Variants in SKAP1 observed in about 807,000 individuals in gnomAD.
SKAP1 encodes the protein src kinase associated phosphoprotein 1, also known as src kinase-associated phosphoprotein 1.
A neutral mutation model predicts 58.5 loss-of-function variants in SKAP1; 44 were observed. The ratio of observed to expected loss-of-function variants is 0.75; its 90% CI spans 0.59 to 0.97. The LOEUF (loss-of-function observed/expected upper bound fraction) is 0.97, where lower values mean the gene tolerates loss of function less well. Among genes scored for constraint, SKAP1 ranks in the 50% least tolerant of loss-of-function variants. The pLI is 0.00. For missense variants in SKAP1, 390 were observed against 435.2 expected, an observed-to-expected ratio of 0.90 and a Z score of 0.92; for synonymous variants, 127 against 149.7, an observed-to-expected ratio of 0.85 and a Z score of 1.11.
chr17:48,297,674 C>A (rs548236773), intron 4 of SKAP1, among the ~76,000 whole-genome samples: 1 of 152,100 alleles, frequency 6.6e-6, no homozygotes, highest in Non-Finnish European at 1.5e-5. Flanking sequence ...AAACTAAAGT[C>A]AAAACCAAGC....
At chr17:48,224,021 A>T (rs984019959) in intron 4 of SKAP1, among the ~76,000 whole-genome samples, 4 of 119,178 alleles carry the variant, frequency 3.4e-5, no homozygotes, top group African/African-American at 1.2e-4. Context: ...AGAGAGAGAG[A>T]GAGAGAGAGA....
At chr17:48,200,175 T>C (rs1421495453) in intron 4 of SKAP1, among the ~76,000 whole-genome samples, 1 of 151,758 alleles carries the variant, frequency 6.6e-6, no homozygotes, top group Non-Finnish European at 1.5e-5. Flanking sequence ...CGCACACCTG[T>C]AATCCCAGCT....
At chr17:48,338,850 T>C (rs1160526540) in intron 4 of SKAP1, among the ~76,000 whole-genome samples, 2 of 152,244 alleles carry the variant, frequency 1.3e-5, no homozygotes, top group Non-Finnish European at 2.9e-5. Context: ...CAGTTTGTCA[T>C]CTTCATCTGT....
chr17:48,356,350 T>C (rs893945299), intron 3 of SKAP1, among the ~76,000 whole-genome samples: 9 of 152,128 alleles, frequency 5.9e-5, no homozygotes, highest in African/African-American at 1.9e-4. Flanking sequence ...TACTGAAAAA[T>C]AGATTACTAC....
chr17:48,356,668 A>G (rs2066879822), intron 3 of SKAP1, among the ~76,000 whole-genome samples: 1 of 152,002 alleles, frequency 6.6e-6, no homozygotes, highest in African/African-American at 2.4e-5. Flanking sequence ...TATCTTGACA[A>G]CTGCTCCATA....
At chr17:48,195,036 C>T (rs966355374) in intron 4 of SKAP1, among the ~76,000 whole-genome samples, 4 of 152,182 alleles carry the variant, frequency 2.6e-5, no homozygotes, top group Non-Finnish European at 5.9e-5. Context: ...CAAACACACG[C>T]TTTAAAATGC....
chr17:48,333,871 CAT>C (rs2066535118), intron 4 of SKAP1, among the ~76,000 whole-genome samples: 1 of 151,906 alleles, frequency 6.6e-6, no homozygotes, highest in East Asian at 1.9e-4. Context: ...AGAAAGCAAA[CAT>C]GTAATAGATT....
intron 4 of SKAP1, among the ~76,000 whole-genome samples, chr17:48,265,862 A>G (rs2065542119): frequency 6.6e-6 from 1 of 152,234 alleles, no homozygotes; most frequent in Non-Finnish European, 1.5e-5. Flanking sequence ...CTCCCCTGTT[A>G]GAATCTTCAC....
intron 4 of SKAP1, among the ~76,000 whole-genome samples, chr17:48,225,484 T>C (rs1354864629): frequency 6.6e-6 from 1 of 152,222 alleles, no homozygotes; most frequent in East Asian, 1.9e-4. Flanking sequence ...TGATTTGCAC[T>C]CTTTGGGAGA....
intron 5 of SKAP1, among the ~76,000 whole-genome samples, chr17:48,189,175 G>A (rs2064501218): frequency 6.6e-6 from 1 of 152,132 alleles, no homozygotes; most frequent in African/African-American, 2.4e-5. Flanking sequence ...CAGGCATTGG[G>A]GATACAGAGG....
At chr17:48,165,711 C>T (rs924190275) in intron 10 of SKAP1, among the ~76,000 whole-genome samples, 4 of 152,178 alleles carry the variant, frequency 2.6e-5, no homozygotes, top group Admixed American at 2.6e-4. Context: ...ACTTTGATTT[C>T]TGTAGAGCAG....
intron 2 of SKAP1, among the ~76,000 whole-genome samples, chr17:48,385,814 G>A (rs750743605): frequency 1.5e-4 from 23 of 152,130 alleles, no homozygotes; most frequent in East Asian, 1.9e-4. Flanking sequence ...ATAACAGGAC[G>A]TAGATTCTAG....
intron 4 of SKAP1, among the ~76,000 whole-genome samples, chr17:48,219,789 C>T (rs1452665): frequency 0.27 from 41,409 of 152,068 alleles, 6,373 homozygotes; most frequent in African/African-American, 0.42. Context: ...TGGCTGCACA[C>T]GGTGTCTCCC....
chr17:48,345,590 T>A (rs2066712531), intron 4 of SKAP1, among the ~76,000 whole-genome samples: 2 of 152,196 alleles, frequency 1.3e-5, no homozygotes, highest in Admixed American at 6.6e-5. Context: ...AAGAATGGTA[T>A]AAACTAGGCC....
chr17:48,139,518 C>G (rs941575822), intron 11 of SKAP1, among the ~76,000 whole-genome samples: 9 of 152,256 alleles, frequency 5.9e-5, no homozygotes, highest in African/African-American at 1.9e-4. Flanking sequence ...ATCACATATT[C>G]CAGTTCAATT....
intron 3 of SKAP1, among the ~76,000 whole-genome samples, chr17:48,355,937 G>A (rs189253728): frequency 6.6e-6 from 1 of 152,190 alleles, no homozygotes; most frequent in Non-Finnish European, 1.5e-5. Context: ...ACCATCATCA[G>A]GGCCTTTCCC....
At chr17:48,371,211 T>C (rs766078148) in intron 2 of SKAP1, among the ~76,000 whole-genome samples, 1 of 152,098 alleles carries the variant, frequency 6.6e-6, no homozygotes, top group South Asian at 2.1e-4. Context: ...ATCATTTGTA[T>C]CCCAAGCTTC....
chr17:48,141,016 A>G (rs184309472), intron 11 of SKAP1, among the ~76,000 whole-genome samples: 1 of 151,860 alleles, frequency 6.6e-6, no homozygotes, highest in Non-Finnish European at 1.5e-5. Flanking sequence ...CGAACTCCTG[A>G]CCTCAGGTGA....
chr17:48,234,176 G>A (rs112040284), intron 4 of SKAP1, among the ~76,000 whole-genome samples: 138 of 152,188 alleles, frequency 9.1e-4, no homozygotes, highest in African/African-American at 3.3e-3. Context: ...AAAGGCACTG[G>A]GTGCCATGCT....
Sources: allele counts gnomAD v4.1 joint callset (sites outside exome capture counted in the v4.1 genomes callset), GRCh38; gene constraint gnomAD v4.1.1; transcripts MANE v1.5; gene names NCBI Gene and HGNC (gene_info 2026-07-23, HGNC 2026-07-21).